The following ADAMTS17 variants were observed in gnomAD, a reference collection of about 807,000 sequenced individuals.
The protein encoded by ADAMTS17 is A disintegrin and metalloproteinase with thrombospondin motifs 17.
A neutral mutation model predicts 141.5 loss-of-function variants in ADAMTS17; 113 were observed. The ratio of observed to expected loss-of-function variants is 0.80; its 90% CI spans 0.69 to 0.93. The LOEUF (loss-of-function observed/expected upper bound fraction) is 0.93, where lower values mean the gene tolerates loss of function less well. Ranked by LOEUF, ADAMTS17 falls within the 40% of genes least tolerant of loss-of-function variation. ADAMTS17 has a pLI of 0.00. For synonymous variants in ADAMTS17, 768 were observed against 630.6 expected (o/e 1.22, Z -3.27); for missense variants, 1,659 against 1,517.9 (o/e 1.09, Z -1.54).
chr15:100,084,506 G>C (rs563182662), intron 15 of ADAMTS17, among the ~76,000 whole-genome samples: 6 of 152,340 alleles, frequency 3.9e-5, no homozygotes, highest in African/African-American at 1.4e-4. Flanking sequence ...AGTTCTCCCA[G>C]CATGCAGCTT....
At chr15:100,296,440 A>G (rs988087855) in intron 3 of ADAMTS17, among the ~76,000 whole-genome samples, 1 of 152,152 alleles carries the variant, frequency 6.6e-6, no homozygotes, top group African/African-American at 2.4e-5. Flanking sequence ...AAGGCAAAAA[A>G]TAAGTTTTGC....
intron 21 of ADAMTS17, 74 bp from the exon 22 acceptor site, chr15:99,974,636 C>CT (rs2060283112): frequency 6.3e-7 from 1 of 1,594,056 alleles, no homozygotes; most frequent in African/African-American, 1.3e-5. Flanking sequence ...ACAGGGAGGG[C>CT]TTGTGGTCTG....
intron 20 of ADAMTS17, chr15:99,978,924 C>A (rs763316169): frequency 6.6e-6 from 1 of 152,246 alleles, no homozygotes; most frequent in Non-Finnish European, 1.5e-5. Flanking sequence ...CTCTCAGGTC[C>A]CTGTGGAGAA....
At position 100,133,246 on chromosome 15, in the gene ADAMTS17, G is replaced by A. The variant is rs751468396; in HGVS notation, c.1543C>T (p.Pro515Ser). 4 of 1,599,234 alleles carry A rather than the reference G, an allele frequency of 2.5e-6. No homozygotes were observed. The highest frequency in any genetic ancestry group is 2.7e-5 in the African/African-American group (2 of 74,790). The change falls in exon 11 of 22, where the codon CCC becomes TCC. Residue 515 changes from proline (P) to serine (S), a missense_variant. Pro to Ser is a moderately conservative substitution (Grantham distance 74, BLOSUM62 -1). Coordinates refer to ENST00000268070, the MANE Select transcript of ADAMTS17 (RefSeq NM_139057.4). ...DTSCKTKLDP[P>S]LDGTECGADK... ...GCCCCACACTCGGTGCCATCCAGGG[G>A]AGGGTCCAGCTTGGTCTTGCAGGAT...
chr15:100,001,829 CGTG>C (rs2060929314), intron 18 of ADAMTS17, among the ~76,000 whole-genome samples: 1 of 149,790 alleles, frequency 6.7e-6, no homozygotes. Flanking sequence ...AATAGCCCCC[CGTG>C]GTGGTGTGCA....
intron 8 of ADAMTS17, among the ~76,000 whole-genome samples, chr15:100,181,293 G>A (rs2040516414): frequency 6.6e-6 from 1 of 152,184 alleles, no homozygotes; most frequent in Non-Finnish European, 1.5e-5. Flanking sequence ...AGCCCACTTG[G>A]TGCTCCACCC....
intron 9 of ADAMTS17, among the ~76,000 whole-genome samples, chr15:100,153,710 T>C (rs1453804698): frequency 6.6e-6 from 1 of 152,144 alleles, no homozygotes; most frequent in African/African-American, 2.4e-5. Context: ...GGTTACTTAC[T>C]ACAATGCTTT....
chr15:100,317,330 G>A (rs1031019616), intron 3 of ADAMTS17, among the ~76,000 whole-genome samples: 2 of 152,116 alleles, frequency 1.3e-5, no homozygotes, highest in African/African-American at 4.8e-5. Flanking sequence ...TGTAAAAGGG[G>A]CCCCATGGGC....
chr15:100,163,283 A>G (rs1158128715), intron 8 of ADAMTS17, among the ~76,000 whole-genome samples: 1 of 152,092 alleles, frequency 6.6e-6, no homozygotes, highest in East Asian at 1.9e-4. Flanking sequence ...TCTGTCCCCT[A>G]TTCCAGTCAG....
At chr15:100,161,117 C>T (rs1470029906) in intron 8 of ADAMTS17, among the ~76,000 whole-genome samples, 1 of 152,182 alleles carries the variant, frequency 6.6e-6, no homozygotes, top group Non-Finnish European at 1.5e-5. Flanking sequence ...ACAGTCATAA[C>T]TTCATGGCCT....
intron 10 of ADAMTS17, among the ~76,000 whole-genome samples, chr15:100,150,887 A>G (rs2039129581): frequency 6.6e-6 from 1 of 151,842 alleles, no homozygotes; most frequent in African/African-American, 2.4e-5. Context: ...TGCTGTCTCC[A>G]CATCAAGGGA....
chr15:100,332,342 C>T (rs1205148064), intron 2 of ADAMTS17, among the ~76,000 whole-genome samples: 7 of 152,352 alleles, frequency 4.6e-5, no homozygotes, highest in Non-Finnish European at 7.3e-5. Context: ...CAGCTGTGCG[C>T]GATGCGGCCT....
chr15:100,040,511 T>A (rs951315452), intron 18 of ADAMTS17, among the ~76,000 whole-genome samples: 2 of 152,234 alleles, frequency 1.3e-5, no homozygotes, highest in Admixed American at 1.3e-4. Flanking sequence ...ATGGTTTTCA[T>A]ATTTTATTAC....
At chr15:100,150,286 G>A (rs1321574535) in intron 10 of ADAMTS17, among the ~76,000 whole-genome samples, 1 of 152,084 alleles carries the variant, frequency 6.6e-6, no homozygotes, top group African/African-American at 2.4e-5. Flanking sequence ...GATTCTGAAG[G>A]AAAATAAAAT....
intron 12 of ADAMTS17, among the ~76,000 whole-genome samples, chr15:100,118,845 G>A (rs937082691): frequency 6.6e-6 from 1 of 152,162 alleles, no homozygotes; most frequent in South Asian, 2.1e-4. Context: ...ATGCAGCATG[G>A]CACAACGTTT....
At chr15:100,070,873 G>A (rs1280371927) in intron 15 of ADAMTS17, among the ~76,000 whole-genome samples, 1 of 149,464 alleles carries the variant, frequency 6.7e-6, no homozygotes, top group Non-Finnish European at 1.5e-5. Context: ...GCTAGCAGAA[G>A]GCAAGAAATA....
intron 8 of ADAMTS17, among the ~76,000 whole-genome samples, chr15:100,171,468 C>G (rs2040157983): frequency 6.6e-6 from 1 of 152,178 alleles, no homozygotes; most frequent in South Asian, 2.1e-4. Flanking sequence ...GGAGCTGTCA[C>G]TCAAGTGACA....
intron 10 of ADAMTS17, among the ~76,000 whole-genome samples, chr15:100,149,778 ACCT>A (rs568920627): frequency 1.4e-3 from 218 of 152,176 alleles, no homozygotes; most frequent in African/African-American, 5.0e-3. Context: ...CATGAGTCAC[ACCT>A]CCTATCTTTT....
intron 7 of ADAMTS17, among the ~76,000 whole-genome samples, chr15:100,201,480 T>C (rs746924278): frequency 1.3e-5 from 2 of 152,134 alleles, no homozygotes; most frequent in African/African-American, 4.8e-5. Flanking sequence ...CAGTCTCAGG[T>C]AGTATCTTTA....
Sources: gnomAD v4.1 joint callset for allele counts (sites outside exome capture counted in the v4.1 genomes callset) on GRCh38, gnomAD v4.1.1 for gene constraint, MANE v1.5 for transcripts, NCBI Gene and HGNC (gene_info 2026-07-23, HGNC 2026-07-21) for gene names.